The following ACSM1 variants were observed in gnomAD, a reference collection of about 807,000 sequenced individuals.
The protein encoded by ACSM1 is acyl-coenzyme A synthetase ACSM1, mitochondrial.
ACSM1 carries 79 observed loss-of-function variants against 75.8 expected under a neutral mutation model. The ratio of observed to expected loss-of-function variants is 1.04; its 90% CI spans 0.87 to 1.26. ACSM1 has a LOEUF of 1.26. Among genes scored for constraint, ACSM1 ranks in the 50% most tolerant of loss-of-function variants. The pLI, the probability that ACSM1 is intolerant of heterozygous loss-of-function variation, is 0.00. For missense variants in ACSM1, 676 were observed against 720.1 expected (o/e 0.94, Z 0.70); for synonymous variants, 279 against 265.8 (o/e 1.05, Z -0.48).
Position 20,636,736 on chromosome 16 carries a change from T to C in ACSM1, c.1299+3A>G. On this transcript the variant is annotated splice_donor_region_variant and intron_variant, in intron 10 of 13. Coordinates refer to ENST00000520010, the MANE Select transcript of ACSM1 (RefSeq NM_001318890.3). Reference sequence around the variant, plus strand: ...AGGATGGGGGCAGATGGGGGGTCATTACCTCATAGCACATGAAGAGGCTCA... The same window carrying C: ...AGGATGGGGGCAGATGGGGGGTCATCACCTCATAGCACATGAAGAGGCTCA... The C allele has an allele frequency of 1.9e-6, 3 of 1,612,540 alleles. No individual in the cohort carries two copies. Among genetic ancestry groups the C allele is most frequent in the Non-Finnish European group, 1.7e-6 (2 of 1,178,616 alleles).
intron 2 of ACSM1, among the ~76,000 whole-genome samples, chr16:20,687,537 C>T (rs904099656): frequency 2.6e-5 from 4 of 151,998 alleles, no homozygotes; most frequent in Admixed American, 6.6e-5. Flanking sequence ...TTTCAAATGC[C>T]TAACTTTCAA....
At chr16:20,639,923 AG>A (rs1347803486) in intron 8 of ACSM1, among the ~76,000 whole-genome samples, 2 of 152,228 alleles carry the variant, frequency 1.3e-5, no homozygotes, top group Admixed American at 1.3e-4. Context: ...AGAGCTAAAA[AG>A]ATAAAAAACA....
At chr16:20,658,321 T>C (rs231929) in intron 7 of ACSM1, among the ~76,000 whole-genome samples, 12,308 of 152,180 alleles carry the variant, frequency 0.081, 636 homozygotes, top group East Asian at 0.21. Flanking sequence ...GAGATGGTAT[T>C]TCATTGTGGT....
At chr16:20,697,253 G>C (rs2079694638) in intron 1 of ACSM1, among the ~76,000 whole-genome samples, 2 of 151,806 alleles carry the variant, frequency 1.3e-5, no homozygotes, top group African/African-American at 4.8e-5. Context: ...TTTTTAGAAG[G>C]CATTCACTTT....
intron 11 of ACSM1, among the ~76,000 whole-genome samples, chr16:20,625,848 T>C (rs2016891749): frequency 6.6e-6 from 1 of 152,214 alleles, no homozygotes; most frequent in Non-Finnish European, 1.5e-5. Flanking sequence ...GTCTTAAACA[T>C]TCATGCAAAT....
chr16:20,685,833 AAACAAAAAAAAAAC>A lies in ACSM1; in HGVS notation c.193-444_193-431del, dbSNP rs1277272107. ...AGACTCCGTCTCAAAAAAAAAAAAC[AAACAAAAAAAAAAC>A]AAAAAACTTATAGCATCAGGAGAGG... On this transcript the variant is annotated intron_variant, in intron 2 of 13. Coordinates refer to ENST00000520010, the MANE Select transcript of ACSM1 (RefSeq NM_001318890.3). Among the ~76,000 whole-genome samples the A allele has an allele frequency of 2.3e-4, 19 of 80,930 alleles. 4 individuals carry two copies. The highest frequency in any genetic ancestry group is 3.1e-4 in the Non-Finnish European group (12 of 39,242). 53.1% of individuals were successfully genotyped at this position (80,930 alleles called of 152,430 possible). A position where few individuals can be genotyped will look rare whatever the true frequency, so the allele number is the denominator to read the frequency against.
At position 20,650,191 on chromosome 16, in the gene ACSM1, G is replaced by A. The variant is rs913103275; in HGVS notation, c.993-9607C>T. 3.9e-5 allele frequency among the ~76,000 whole-genome samples: 6 copies of A among 152,270 alleles called. No homozygotes were observed. In the South Asian group the frequency reaches 1.2e-3, roughly 32 times the overall value. On this transcript the variant is annotated intron_variant, in intron 7 of 13. Coordinates refer to ENST00000520010, the MANE Select transcript of ACSM1 (RefSeq NM_001318890.3). The stretch of plus-strand genomic sequence containing the variant: ...AGGATCCTTATTCTAGTTCCGAGAT[G>A]CATTCTAAATGGAATTCTCTCCTGC...
chr16:20,647,665 A>G (rs933627896), intron 7 of ACSM1, among the ~76,000 whole-genome samples: 1 of 152,172 alleles, frequency 6.6e-6, no homozygotes, highest in African/African-American at 2.4e-5. Context: ...CTTTTATGCT[A>G]CTAATTACGA....
intron 11 of ACSM1, among the ~76,000 whole-genome samples, chr16:20,626,196 G>T (rs936507556): frequency 3.3e-5 from 5 of 152,020 alleles, no homozygotes; most frequent in Non-Finnish European, 7.4e-5. Context: ...GACCAGGCTG[G>T]CCAAGATGGT....
chr16:20,647,508 G>T (rs961462058), intron 7 of ACSM1, among the ~76,000 whole-genome samples: 2 of 152,122 alleles, frequency 1.3e-5, no homozygotes, highest in Non-Finnish European at 2.9e-5. Flanking sequence ...GGGTCCTCTT[G>T]TAAAAGGGAA....
intron 3 of ACSM1, among the ~76,000 whole-genome samples, chr16:20,683,742 T>C (rs1418988344): frequency 6.6e-6 from 1 of 151,584 alleles, no homozygotes; most frequent in Non-Finnish European, 1.5e-5. Context: ...TCTTTCTTTT[T>C]GTATTTTAGT....
At chr16:20,693,727 T>C (rs537879988) in intron 1 of ACSM1, among the ~76,000 whole-genome samples, 10 of 152,336 alleles carry the variant, frequency 6.6e-5, no homozygotes, top group Admixed American at 2.6e-4. Flanking sequence ...TGCCTGCTTC[T>C]CCACTTATTG....
intron 6 of ACSM1, among the ~76,000 whole-genome samples, chr16:20,667,265 T>G (rs1221493363): frequency 6.6e-6 from 1 of 152,166 alleles, no homozygotes; most frequent in Non-Finnish European, 1.5e-5. Flanking sequence ...TTATATGTGA[T>G]GTCTAATTAG....
rs372126227 is a variant in ACSM1, at chr16:20,685,217, C to G, written c.379G>C (p.Val127Leu). The change falls in exon 3 of 14, where the codon GTG becomes CTG. Residue 127 changes from valine (V) to leucine (L), a missense_variant. By Grantham distance (32) the Val-to-Leu change is conservative. Coordinates refer to ENST00000520010, the MANE Select transcript of ACSM1 (RefSeq NM_001318890.3). ...CCTGTTCGCATGCAGCCCACAGCCA[C>G]CAGCCACCACTCAGGAACTCGAGGC... ...MLPRVPEWWL[V>L]AVGCMRTGII... 6.2e-7 allele frequency: 1 copy of G among 1,614,186 alleles called. No homozygotes were observed. The highest frequency in any genetic ancestry group is 8.5e-7 in the Non-Finnish European group (1 of 1,180,022).
At chr16:20,637,287 G>A in intron 9 of ACSM1, 84 bp downstream of exon 9, 1 of 1,046,132 alleles carries the variant, frequency 9.6e-7, no homozygotes, top group Non-Finnish European at 1.5e-6. Flanking sequence ...GCAGGGAAGT[G>A]CGGCTGGTGT....
chr16:20,691,301 C>T, intron 1 of ACSM1, 62 bp from the exon 2 acceptor site: 1 of 921,400 alleles, frequency 1.1e-6, no homozygotes, highest in Middle Eastern at 3.6e-4. Flanking sequence ...AAATTGGGTG[C>T]ATGTTTTTGG....
chr16:20,653,037 T>C (rs1327600971), intron 7 of ACSM1, among the ~76,000 whole-genome samples: 1 of 151,962 alleles, frequency 6.6e-6, no homozygotes, highest in Non-Finnish European at 1.5e-5. Context: ...CAGCAACACA[T>C]CAAAAAGCTT....
At chr16:20,639,855 G>A (rs758717541) in intron 8 of ACSM1, among the ~76,000 whole-genome samples, 1 of 152,102 alleles carries the variant, frequency 6.6e-6, no homozygotes, top group African/African-American at 2.4e-5. Context: ...AAGCCAAAGG[G>A]AAAACTCAAG....
At chr16:20,665,792 C>T (rs1293014088) in intron 6 of ACSM1, among the ~76,000 whole-genome samples, 2 of 152,118 alleles carry the variant, frequency 1.3e-5, no homozygotes, top group African/African-American at 4.8e-5. Context: ...TCACCATGAT[C>T]AAGTAGGCTT....
Sources: gnomAD v4.1 joint callset for allele counts (sites outside exome capture counted in the v4.1 genomes callset) on GRCh38, gnomAD v4.1.1 for gene constraint, MANE v1.5 for transcripts, NCBI Gene and HGNC (gene_info 2026-07-23, HGNC 2026-07-21) for gene names.